Variants in PIK3AP1 observed in about 807,000 individuals in gnomAD.
The protein encoded by PIK3AP1 is phosphoinositide-3-kinase adaptor protein 1.
In PIK3AP1, 21 loss-of-function variants were observed where a neutral mutation model predicts 88.1. The ratio of observed to expected loss-of-function variants is 0.24; its 90% CI spans 0.17 to 0.34. The LOEUF is 0.34. Ranked by LOEUF, PIK3AP1 falls within the 10% of genes least tolerant of loss-of-function variation. The pLI is 1.00. For synonymous variants in PIK3AP1, 398 were observed against 400.0 expected, an observed-to-expected ratio of 1.00 and a Z score of 0.06; for missense variants, 828 against 1,035.7, an observed-to-expected ratio of 0.80 and a Z score of 2.75.
chr10:96,607,140 GGTGT>G (rs1849016166), intron 14 of PIK3AP1, among the ~76,000 whole-genome samples: 1 of 151,990 alleles, frequency 6.6e-6, no homozygotes. Context: ...TTTTTTTTAG[GGTGT>G]GATTCAGGGG....
chr10:96,644,626 A>G (rs1843435346), intron 8 of PIK3AP1, among the ~76,000 whole-genome samples: 1 of 152,200 alleles, frequency 6.6e-6, no homozygotes, highest in African/African-American at 2.4e-5. Context: ...AAAAGTGGGC[A>G]AAGTTTGTTA....
intron 16 of PIK3AP1, among the ~76,000 whole-genome samples, 177 bp from the exon 17 acceptor site, chr10:96,595,811 C>A (rs926808870): frequency 6.6e-6 from 1 of 152,144 alleles, no homozygotes; most frequent in African/African-American, 2.4e-5. Flanking sequence ...GCAATCCTGG[C>A]GGCACATTAG....
chr10:96,611,317 C>T (rs1354245770), intron 13 of PIK3AP1, among the ~76,000 whole-genome samples: 1 of 152,158 alleles, frequency 6.6e-6, no homozygotes, highest in Non-Finnish European at 1.5e-5. Context: ...CTCTTGGCTA[C>T]AACCATGCCA....
chr10:96,720,146 T>A lies in PIK3AP1; in HGVS notation c.13+236A>T, dbSNP rs563804625. On this transcript the variant is annotated intron_variant, in intron 1 of 16. Transcript: ENST00000339364. This position sits in a 1 kb window ranked among gnomAD's most constrained non-coding sequence, Gnocchi z 4.6. ...GGGAGCGAAGGAGACCCTGAAGAAG[T>A]GGGAGGGGGTCGGGCCAGGCAGGGG... 6.6e-6 allele frequency among the ~76,000 whole-genome samples: 1 copy of A among 151,556 alleles called. No individual in the cohort carries two copies. The highest frequency in any genetic ancestry group is 2.1e-4 in the South Asian group (1 of 4,778).
intron 8 of PIK3AP1, among the ~76,000 whole-genome samples, chr10:96,628,879 T>TATACACACACAC (rs1564961151): frequency 9.6e-5 from 1 of 10,430 alleles, no homozygotes; most frequent in African/African-American, 1.5e-4. Context: ...TATACACATA[T>TATACACACACAC]ATATATATAC....
At chr10:96,690,784 G>A (rs1844143810) in intron 2 of PIK3AP1, among the ~76,000 whole-genome samples, 1 of 152,148 alleles carries the variant, frequency 6.6e-6, no homozygotes, top group African/African-American at 2.4e-5. Context: ...CTAATCTCCT[G>A]GCCACAGTTA....
At chr10:96,680,871 C>T (rs917871230) in intron 2 of PIK3AP1, among the ~76,000 whole-genome samples, 7 of 152,132 alleles carry the variant, frequency 4.6e-5, no homozygotes, top group Non-Finnish European at 8.8e-5. Context: ...GACCTAAAAG[C>T]AGAACTCAGG....
intron 9 of PIK3AP1, among the ~76,000 whole-genome samples, 154 bp downstream of exon 9, chr10:96,628,244 G>A (rs773061122): frequency 2.0e-5 from 3 of 152,208 alleles, no homozygotes; most frequent in Non-Finnish European, 4.4e-5. Flanking sequence ...AGGGTAGAGG[G>A]GTCGGGGGAG....
Position 96,595,608 on chromosome 10 carries a change from G to A in PIK3AP1, c.2387C>T (p.Pro796Leu), listed in dbSNP as rs746172807. 3.7e-6 allele frequency: 6 copies of A among 1,613,324 alleles called. No homozygotes were observed. The highest frequency in any genetic ancestry group is 5.1e-6 in the Non-Finnish European group (6 of 1,179,742). Residue 796 changes from proline to leucine, a missense_variant, in exon 17 of 17, where the codon CCT becomes CTT. By Grantham distance (98) the Pro-to-Leu change is moderately conservative. Around this residue, in one of 3 missense-constraint regions of PIK3AP1, gnomAD observed 191 missense variants for 208.6 expected, o/e 0.92. Transcript: ENST00000339364. ...TCCTCTGGGTGGAACAGGTGGAGGA[G>A]GATGGAAGGTCTCCCTGGTCGGAGG... ...QRPPTRETFHPPPPVPPRGR is the reference protein window; with the variant it reads ...QRPPTRETFHLPPPVPPRGR
At chr10:96,661,850 AAGGG>A (rs1319150789) in intron 2 of PIK3AP1, among the ~76,000 whole-genome samples, 1 of 149,692 alleles carries the variant, frequency 6.7e-6, no homozygotes, top group African/African-American at 2.5e-5. Context: ...GGAAAAGGGA[AAGGG>A]AAAGGAAAGG....
chr10:96,661,861 A>AAGGGAAAGGAG (rs1409536275), intron 2 of PIK3AP1, among the ~76,000 whole-genome samples: 1 of 147,442 alleles, frequency 6.8e-6, no homozygotes, highest in African/African-American at 2.5e-5. Flanking sequence ...AGGGAAAGGA[A>AAGGGAAAGGAG]AGGGAAAGGA....
intron 2 of PIK3AP1, among the ~76,000 whole-genome samples, chr10:96,667,955 T>C (rs1198468197): frequency 7.2e-5 from 11 of 152,238 alleles, no homozygotes; most frequent in Non-Finnish European, 4.4e-5. Context: ...TTATTATCTA[T>C]ATTTTTATAT....
chr10:96,720,226 G>T lies in PIK3AP1; in HGVS notation c.13+156C>A, dbSNP rs1352684083. Among the ~76,000 whole-genome samples, 1 of 152,200 alleles carries T rather than the reference G, an allele frequency of 6.6e-6. No homozygotes were observed. The highest frequency in any genetic ancestry group is 1.5e-5 in the Non-Finnish European group (1 of 68,032). ...GGGAAACGTGGGAAAGTTGGAGTGG[G>T]AAGTTTGCGACAGGGAACATAGAAA... is the stretch of plus-strand genomic sequence containing the variant. On this transcript the variant is annotated intron_variant, in intron 1 of 16. Coordinates refer to ENST00000339364, the MANE Select transcript of PIK3AP1 (RefSeq NM_152309.3). The surrounding 1 kb of genome is among the most constrained non-coding windows in gnomAD (Gnocchi z 4.6).
Position 96,651,279 on chromosome 10 carries a change from G to T in PIK3AP1, c.957C>A (p.Ile319=). 1 of 1,614,212 alleles carries T rather than the reference G, an allele frequency of 6.2e-7. No homozygotes were observed. The highest frequency in any genetic ancestry group is 1.1e-5 in the South Asian group (1 of 91,076). Residue 319 remains isoleucine, a synonymous_variant, in exon 6 of 17, where the codon ATC becomes ATA. Coordinates refer to ENST00000339364, the MANE Select transcript of PIK3AP1 (RefSeq NM_152309.3). ...IPASGLHLFG[I]NQLEEEDMMT... ...TCATATCTTCTTCTTCCAGCTGGTT[G>T]ATTCCAAAGAGGTGCAGTCCGCTTG...
chr10:96,647,102 C>A (rs1403061265), intron 7 of PIK3AP1, among the ~76,000 whole-genome samples: 1 of 152,186 alleles, frequency 6.6e-6, no homozygotes, highest in East Asian at 1.9e-4. Context: ...GTCTTTTGGT[C>A]ACAATGCTGA....
chr10:96,617,497 G>T (rs915844390), intron 12 of PIK3AP1, among the ~76,000 whole-genome samples: 1 of 152,182 alleles, frequency 6.6e-6, no homozygotes, highest in African/African-American at 2.4e-5. Context: ...GTGTCCAGGA[G>T]ACAGCAGGGA....
chr10:96,641,947 G>T (rs1843394777), intron 8 of PIK3AP1, among the ~76,000 whole-genome samples: 1 of 152,168 alleles, frequency 6.6e-6, no homozygotes, highest in Admixed American at 6.5e-5. Context: ...GAATTAAGCT[G>T]CCTTGTCACC....
At chr10:96,620,628 A>C in intron 11 of PIK3AP1, 71 bp from the exon 12 acceptor site, 1 of 1,372,812 alleles carries the variant, frequency 7.3e-7, no homozygotes, top group Non-Finnish European at 1.0e-6. Flanking sequence ...TGTACGGTTA[A>C]TGAGGCTGGT....
intron 2 of PIK3AP1, among the ~76,000 whole-genome samples, chr10:96,687,554 TTC>T (rs1432000579): frequency 6.6e-6 from 1 of 152,180 alleles, no homozygotes; most frequent in African/African-American, 2.4e-5. Flanking sequence ...AGACTATCAT[TTC>T]TGTCAGTGAC....
Sources: gnomAD v4.1 joint callset for allele counts (sites outside exome capture counted in the v4.1 genomes callset) on GRCh38, gnomAD v4.1.1 for gene constraint, gnomAD v4.1.1 regional missense constraint, Gnocchi (gnomAD v3.1) non-coding constraint, MANE v1.5 for transcripts, NCBI Gene and HGNC (gene_info 2026-07-23, HGNC 2026-07-21) for gene names.